DPH6: variants seen among roughly 807,000 people sequenced by gnomAD.
DPH6 encodes diphthamine biosynthesis 6, also known as diphthine--ammonia ligase.
Under a neutral mutation model 38.2 loss-of-function variants are expected in DPH6, and 33 were observed. That is an observed-to-expected ratio of 0.86 (90% CI 0.65 to 1.15). DPH6 has a LOEUF of 1.15. Ranked by LOEUF, DPH6 falls within the 50% of genes most tolerant of loss-of-function variation. The pLI is 0.00. For synonymous variants in DPH6, 108 were observed against 103.0 expected (o/e 1.05, Z -0.30); for missense variants, 325 against 320.0 (o/e 1.02, Z -0.12).
chr15:35,325,445 G>A (rs1307914493), intron 3 of DPH6, among the ~76,000 whole-genome samples: 1 of 152,144 alleles, frequency 6.6e-6, no homozygotes, highest in Non-Finnish European at 1.5e-5. Context: ...CTTAATTTAT[G>A]AGAAAGGTAA....
chr15:35,495,017 G>T (rs937027639), intron 3 of DPH6, among the ~76,000 whole-genome samples: 2 of 152,092 alleles, frequency 1.3e-5, no homozygotes, highest in African/African-American at 4.8e-5. Context: ...AAGTGAAGTA[G>T]CAAGGCCACT....
intron 3 of DPH6, among the ~76,000 whole-genome samples, chr15:35,351,678 A>ACTCCTCC (rs1386128979): frequency 6.8e-6 from 1 of 147,094 alleles, no homozygotes; most frequent in African/African-American, 2.5e-5. Flanking sequence ...TCTATACTTT[A>ACTCCTCC]CTCCTCCCCA....
chr15:35,394,053 A>C (rs781670048), intron 6 of DPH6, among the ~76,000 whole-genome samples: 17 of 152,100 alleles, frequency 1.1e-4, no homozygotes, highest in Non-Finnish European at 2.4e-4. Flanking sequence ...ATATTTTCTA[A>C]GTTATTGTTA....
At chr15:35,396,673 T>C (rs1193721179) in intron 6 of DPH6, among the ~76,000 whole-genome samples, 2 of 152,186 alleles carry the variant, frequency 1.3e-5, no homozygotes, top group Admixed American at 1.3e-4. Flanking sequence ...TTAATATATC[T>C]TATAATTTTT....
chr15:35,193,369 T>A, the DPH6 span, among the ~76,000 whole-genome samples: 1 of 152,034 alleles, frequency 6.6e-6, no homozygotes, highest in Non-Finnish European at 1.5e-5. Flanking sequence ...AACTTAAAGA[T>A]GAATTAATAA....
intron 3 of DPH6, among the ~76,000 whole-genome samples, chr15:35,498,333 T>C (rs905793886): frequency 1.3e-5 from 2 of 152,180 alleles, no homozygotes; most frequent in Non-Finnish European, 2.9e-5. Context: ...GTACTAGTTC[T>C]TACTCCCCTA....
intron 3 of DPH6, chr15:35,238,323 A>G (rs796995669): frequency 2.5e-5 from 8 of 315,574 alleles, no homozygotes; most frequent in African/African-American, 1.5e-4. Flanking sequence ...CAGGAACAGT[A>G]TGGCAAGAAC....
At chr15:35,485,018 T>C (rs1196396728) in intron 3 of DPH6, among the ~76,000 whole-genome samples, 2 of 152,236 alleles carry the variant, frequency 1.3e-5, no homozygotes, top group Non-Finnish European at 2.9e-5. Flanking sequence ...AATTAACATT[T>C]ATTGACTACT....
At chr15:35,214,297 A>T (rs1424753333), downstream of DPH6, among the ~76,000 whole-genome samples, 1 of 152,194 alleles carries the variant, frequency 6.6e-6, no homozygotes, top group Non-Finnish European at 1.5e-5. Flanking sequence ...AGCATTCACA[A>T]TGCCACTAGA....
chr15:35,457,245 G>A lies in DPH6; in HGVS notation c.313-2425C>T, dbSNP rs112838013. On this transcript the variant is annotated intron_variant, in intron 3 of 8. Transcript: ENST00000256538. ...GCTGGGATGACAAGCTTGAGCCATC[G>A]TGCCTGGCCCCATTTATTTTATTTT... Among the ~76,000 whole-genome samples, 1,332 of 151,482 alleles carry A rather than the reference G, an allele frequency of 8.8e-3. 22 individuals are homozygous for A. Among genetic ancestry groups the A allele is most frequent in the African/African-American group, 0.031 (1,272 of 41,298 alleles).
intron 3 of DPH6, among the ~76,000 whole-genome samples, chr15:35,249,993 C>A (rs146713441): frequency 5.0e-5 from 7 of 138,738 alleles, no homozygotes; most frequent in African/African-American, 1.7e-4. Context: ...GAAACACCAT[C>A]TCTACTAAAA....
At chr15:35,188,916 G>C in the DPH6 span, among the ~76,000 whole-genome samples, 1 of 152,018 alleles carries the variant, frequency 6.6e-6, no homozygotes, top group East Asian at 1.9e-4. Context: ...CCTGATTTTA[G>C]AAGAACTATT....
chr15:35,152,719 G>A, the DPH6 span, among the ~76,000 whole-genome samples: 2 of 152,080 alleles, frequency 1.3e-5, no homozygotes, highest in East Asian at 1.9e-4. Context: ...GGCTCTTCTC[G>A]AACTCCTGAC....
intron 6 of DPH6, among the ~76,000 whole-genome samples, chr15:35,388,884 C>T (rs1301674375): frequency 6.6e-6 from 1 of 152,018 alleles, no homozygotes; most frequent in East Asian, 1.9e-4. Flanking sequence ...CTTCTGCTAG[C>T]TTTTGAATGT....
chr15:35,539,218 A>G (rs1428363275), intron 2 of DPH6, among the ~76,000 whole-genome samples: 1 of 152,032 alleles, frequency 6.6e-6, no homozygotes, highest in Non-Finnish European at 1.5e-5. Flanking sequence ...CTTACTTTTT[A>G]GAAAAAGAAT....
At chr15:35,229,360 T>C (rs2051502514) in intron 3 of DPH6, among the ~76,000 whole-genome samples, 1 of 152,086 alleles carries the variant, frequency 6.6e-6, no homozygotes, top group Non-Finnish European at 1.5e-5. Flanking sequence ...CCAATTGCAT[T>C]TTCAACTCTA....
chr15:35,489,207 A>C (rs1239805767), intron 3 of DPH6: 1 of 401,778 alleles, frequency 2.5e-6, no homozygotes, highest in Admixed American at 6.4e-5. Flanking sequence ...CAACAGAGAG[A>C]TATAATCTTG....
At position 35,503,137 on chromosome 15, in the gene DPH6, A is replaced by G. The variant is rs191585237; in HGVS notation, c.312+35137T>C. Among the ~76,000 whole-genome samples, 984 of 151,844 alleles carry G rather than the reference A, an allele frequency of 6.5e-3. 8 individuals carry two copies. The highest frequency in any genetic ancestry group is 0.01 in the Middle Eastern group (3 of 292). On this transcript the variant is annotated intron_variant, in intron 3 of 8. Coordinates refer to ENST00000256538, the MANE Select transcript of DPH6 (RefSeq NM_080650.4). ...GAAGGTTAGTTCTTATAGAAATTTA[A>G]TTTAGCAACTGTTGCCTGCTATGAT... is the stretch of plus-strand genomic sequence containing the variant.
intron 3 of DPH6, among the ~76,000 whole-genome samples, chr15:35,315,026 C>T (rs768519160): frequency 2.0e-5 from 3 of 152,162 alleles, no homozygotes; most frequent in Non-Finnish European, 2.9e-5. Flanking sequence ...GAAATGATTA[C>T]ATCTGAGACG....
Sources: allele counts gnomAD v4.1 joint callset (sites outside exome capture counted in the v4.1 genomes callset), GRCh38; gene constraint gnomAD v4.1.1; transcripts MANE v1.5; gene names NCBI Gene and HGNC (gene_info 2026-07-23, HGNC 2026-07-21).